CEMIP2: variants seen among roughly 807,000 people sequenced by gnomAD.
CEMIP2 encodes the protein cell migration inducing hyaluronidase 2, also known as cell surface hyaluronidase CEMIP2.
Under a neutral mutation model 146.9 loss-of-function variants are expected in CEMIP2, and 79 were observed. The ratio of observed to expected loss-of-function variants is 0.54; its 90% confidence interval spans 0.45 to 0.65. The LOEUF is 0.65. Among genes scored for constraint, CEMIP2 ranks in the 30% least tolerant of loss-of-function variants. CEMIP2 has a pLI of 0.00. For missense variants in CEMIP2, 1,596 were observed against 1,696.2 expected, an observed-to-expected ratio of 0.94 and a Z score of 1.04; for synonymous variants, 601 against 606.3, an observed-to-expected ratio of 0.99 and a Z score of 0.13.
chr9:71,729,695 C>T (rs1244665252), intron 10 of CEMIP2, 150 bp downstream of exon 10: 8 of 698,760 alleles, frequency 1.1e-5, no homozygotes, highest in Middle Eastern at 3.3e-4. Flanking sequence ...TCATCTCTAC[C>T]GTATTCTGCT....
At chr9:71,692,851 G>A (rs764978848) in intron 21 of CEMIP2, among the ~76,000 whole-genome samples, 16 of 152,064 alleles carry the variant, frequency 1.1e-4, no homozygotes, top group African/African-American at 2.4e-4. Flanking sequence ...GCGGTGAGCC[G>A]AGATTGCGCC....
intron 11 of CEMIP2, 125 bp downstream of exon 11, chr9:71,725,456 A>G: frequency 5.7e-6 from 6 of 1,059,442 alleles, no homozygotes; most frequent in Non-Finnish European, 7.9e-6. Flanking sequence ...ATTGCTGCTC[A>G]TTATAAGTTA....
At chr9:71,767,185 C>A (rs924472825) in intron 1 of CEMIP2, among the ~76,000 whole-genome samples, 3 of 152,168 alleles carry the variant, frequency 2.0e-5, no homozygotes, top group Admixed American at 6.5e-5. Flanking sequence ...TAAGGCTAAC[C>A]ATTTTAAAGG....
chr9:71,724,443 G>GT (rs150455379), intron 11 of CEMIP2, among the ~76,000 whole-genome samples: 7,092 of 152,180 alleles, frequency 0.047, 221 homozygotes, highest in South Asian at 0.068. Context: ...GTTTTGTATA[G>GT]TTTTTCCTCA....
chr9:71,755,969 A>AC (rs1824426442), intron 1 of CEMIP2, among the ~76,000 whole-genome samples: 1 of 110,466 alleles, frequency 9.1e-6, no homozygotes. Flanking sequence ...CACAAAAAAA[A>AC]AAAAAAAAAA....
At chr9:71,702,582 C>A (rs1822603654) in intron 18 of CEMIP2, among the ~76,000 whole-genome samples, 1 of 151,964 alleles carries the variant, frequency 6.6e-6, no homozygotes. Context: ...TTATGTTTTT[C>A]TATATTTTCC....
rs1261899928 is a variant in CEMIP2 at position 71,700,690 on chromosome 9, A to G, written c.3329T>C (p.Leu1110Pro). ...TTTCCTCTCGGATTGCTTTCTTTGC[A>G]GTTCTTCCAGTGAATGCACAGGCTC... The part of the protein sequence containing the change: ...EYEPVHSLEE[L>P]QRKQSERKFY... The change falls in exon 19 of 24, where the codon CTG (leucine) becomes CCG (proline). Residue 1110 changes from leucine (L) to proline (P), a missense_variant. By Grantham distance (98) the Leu-to-Pro change is moderately conservative (BLOSUM62 -3). Coordinates refer to ENST00000377044, the MANE Select transcript of CEMIP2 (RefSeq NM_013390.3). 1 of 1,610,512 alleles carries G rather than the reference A, an allele frequency of 6.2e-7. No homozygotes were observed. Among genetic ancestry groups the G allele is most frequent in the Admixed American group, 1.7e-5 (1 of 58,904 alleles).
At chr9:71,767,676 G>A (rs1824837892) in intron 1 of CEMIP2, among the ~76,000 whole-genome samples, 2 of 152,146 alleles carry the variant, frequency 1.3e-5, no homozygotes, top group Non-Finnish European at 2.9e-5. Context: ...CACAGAGAGG[G>A]CCCCCCTCCT....
intron 20 of CEMIP2, among the ~76,000 whole-genome samples, chr9:71,694,989 G>A (rs1489166184): frequency 6.6e-6 from 1 of 152,154 alleles, no homozygotes; most frequent in Non-Finnish European, 1.5e-5. Context: ...GGAAAGAAGT[G>A]TAGATAACAA....
Position 71,740,155 on chromosome 9 carries a change from T to C in CEMIP2, c.1112A>G (p.His371Arg), listed in dbSNP as rs1823873682. 1.2e-6 allele frequency: 2 copies of C among 1,614,004 alleles called. No homozygotes were observed. Among genetic ancestry groups the C allele is most frequent in the Non-Finnish European group, 1.7e-6 (2 of 1,180,030 alleles). ...GGCAAGAGCCTTCCCGCCACTGCTA[T>C]GATTTTCATAGTTTCTCACGGATTC... Reference protein sequence around the residue: ...CNESVRNYENHSSGGKALAQR... With the variant: ...CNESVRNYENRSSGGKALAQR... The change falls in exon 5 of 24, where the codon CAT becomes CGT. Residue 371 changes from histidine to arginine, a missense_variant. By Grantham distance (29) the His-to-Arg change is conservative. Transcript: ENST00000377044.
chr9:71,729,060 G>A (rs1027028345), intron 10 of CEMIP2, among the ~76,000 whole-genome samples: 3 of 151,704 alleles, frequency 2.0e-5, no homozygotes, highest in Admixed American at 6.6e-5. Flanking sequence ...GGCTGGTCTC[G>A]AACTCCTGAG....
At chr9:71,744,769 C>T (rs900121999) in intron 4 of CEMIP2, among the ~76,000 whole-genome samples, 3 of 152,214 alleles carry the variant, frequency 2.0e-5, no homozygotes, top group Non-Finnish European at 2.9e-5. Context: ...CACACTTCTG[C>T]TCTCAACTTT....
intron 6 of CEMIP2, among the ~76,000 whole-genome samples, chr9:71,733,497 T>C (rs957411672): frequency 2.6e-4 from 40 of 152,158 alleles, no homozygotes; most frequent in African/African-American, 9.2e-4. Flanking sequence ...GAAGGAAAAG[T>C]ACAATGTTGA....
intron 7 of CEMIP2, 65 bp downstream of exon 7, chr9:71,732,286 C>G: frequency 6.8e-7 from 1 of 1,461,910 alleles, no homozygotes; most frequent in East Asian, 2.3e-5. Context: ...CAAAACTTGA[C>G]AGTTTCTTCA....
At chr9:71,689,201 T>C (rs768341928) in intron 22 of CEMIP2, among the ~76,000 whole-genome samples, 10 of 152,190 alleles carry the variant, frequency 6.6e-5, no homozygotes, top group Non-Finnish European at 1.5e-4. Flanking sequence ...GAACGACATA[T>C]ATACATTTAA....
chr9:71,740,781 G>C (rs1205150136), intron 4 of CEMIP2, among the ~76,000 whole-genome samples: 1 of 152,164 alleles, frequency 6.6e-6, no homozygotes, highest in Non-Finnish European at 1.5e-5. Flanking sequence ...GTCTTACTAT[G>C]TTTTTAAAGT....
Position 71,712,277 on chromosome 9 carries a change from T to C in CEMIP2, c.2592-17A>G, listed in dbSNP as rs754358790. 1.7e-5 allele frequency: 28 copies of C among 1,612,500 alleles called. No individual in the cohort carries two copies. The highest frequency in any genetic ancestry group is 2.3e-5 in the Non-Finnish European group (27 of 1,179,208). On this transcript the variant is annotated splice_polypyrimidine_tract_variant and intron_variant, in intron 15 of 23. Transcript: ENST00000377044. ...GGGAACGTCCTGTGGAAATACAAGA[T>C]TTTGTTTAATGCATATGGGCTGTCC...
At chr9:71,733,822 T>C (rs1033950531) in intron 6 of CEMIP2, among the ~76,000 whole-genome samples, 4 of 152,028 alleles carry the variant, frequency 2.6e-5, no homozygotes, top group African/African-American at 9.7e-5. Context: ...AATATGCAAC[T>C]TACAGTAAGA....
At chr9:71,746,596 C>CAAAAAAAAAAAAAAAAA (rs5898226) in intron 2 of CEMIP2, among the ~76,000 whole-genome samples, 8 of 75,174 alleles carry the variant, frequency 1.1e-4, no homozygotes, top group African/African-American at 4.3e-4. Flanking sequence ...CAAACTTCAC[C>CAAAAAAAAAAAAAAAAA]AAAAAAAAAA....
Sources: allele counts gnomAD v4.1 joint callset (sites outside exome capture counted in the v4.1 genomes callset), GRCh38; gene constraint gnomAD v4.1.1; transcripts MANE v1.5; gene names NCBI Gene and HGNC (gene_info 2026-07-23, HGNC 2026-07-21).